The following CNTN5 variants were observed in gnomAD, a reference collection of about 807,000 sequenced individuals.
The protein encoded by CNTN5 is contactin-5.
In CNTN5, 77 loss-of-function variants were observed where a neutral mutation model predicts 129.1. The observed-to-expected ratio is 0.60, with a 90% CI of 0.50 to 0.72. The LOEUF is 0.72. Ranked by LOEUF, CNTN5 falls within the 30% of genes least tolerant of loss-of-function variation. CNTN5 has a pLI of 0.00. For missense variants in CNTN5, 1,478 were observed against 1,328.8 expected (o/e 1.11, Z -1.75); for synonymous variants, 509 against 465.6 (o/e 1.09, Z -1.20).
intron 2 of CNTN5, among the ~76,000 whole-genome samples, chr11:99,331,800 C>T (rs1173485900): frequency 1.3e-5 from 2 of 152,104 alleles, no homozygotes; most frequent in Non-Finnish European, 2.9e-5. Flanking sequence ...TGATTCTTGA[C>T]TTTGGGTTTA....
chr11:99,961,969 C>A (rs1464344190), intron 8 of CNTN5, among the ~76,000 whole-genome samples: 1 of 146,758 alleles, frequency 6.8e-6, no homozygotes, highest in Admixed American at 6.7e-5. Context: ...CGTAGAGAGA[C>A]ATATAGATAG....
chr11:100,085,273 A>G (rs1944505017), intron 13 of CNTN5, among the ~76,000 whole-genome samples: 1 of 151,988 alleles, frequency 6.6e-6, no homozygotes, highest in African/African-American at 2.4e-5. Context: ...TGGTATCAAA[A>G]CAATAAGAAA....
intron 1 of CNTN5, among the ~76,000 whole-genome samples, chr11:99,161,622 G>A (rs1036085099): frequency 6.6e-6 from 1 of 152,152 alleles, no homozygotes; most frequent in African/African-American, 2.4e-5. Flanking sequence ...CATCATAGCA[G>A]CCTTGGACTG....
chr11:100,282,920 C>T (rs1387124179), intron 18 of CNTN5, among the ~76,000 whole-genome samples: 2 of 152,162 alleles, frequency 1.3e-5, no homozygotes, highest in Non-Finnish European at 2.9e-5. Context: ...TCCCTTAAGG[C>T]CCAAGGTCTC....
chr11:100,128,730 C>T (rs551354876), intron 13 of CNTN5, among the ~76,000 whole-genome samples: 1 of 152,114 alleles, frequency 6.6e-6, no homozygotes, highest in African/African-American at 2.4e-5. Flanking sequence ...ATAATGACTC[C>T]ATGTTCCTTC....
intron 16 of CNTN5, among the ~76,000 whole-genome samples, chr11:100,229,789 T>G (rs1297760839): frequency 2.6e-5 from 4 of 152,196 alleles, no homozygotes; most frequent in Non-Finnish European, 5.9e-5. Flanking sequence ...TATGGCCACT[T>G]CTGAATGTTT....
intron 1 of CNTN5, among the ~76,000 whole-genome samples, chr11:99,110,685 A>G (rs955199699): frequency 4.6e-5 from 7 of 152,198 alleles, no homozygotes; most frequent in African/African-American, 1.2e-4. Flanking sequence ...TTTATAAAAG[A>G]TAAGTTGGTG....
At chr11:99,825,290 T>G (rs12284190) in intron 4 of CNTN5, among the ~76,000 whole-genome samples, 1,910 of 152,140 alleles carry the variant, frequency 0.013, 48 homozygotes, top group African/African-American at 0.044. Flanking sequence ...GTATTTTTTT[T>G]GCATCATATG....
At chr11:99,422,516 T>TATA (rs1942936168) in intron 2 of CNTN5, among the ~76,000 whole-genome samples, 1 of 100,414 alleles carries the variant, frequency 1.0e-5, no homozygotes, top group Non-Finnish European at 2.0e-5. Flanking sequence ...TACTTTATAT[T>TATA]TTTATATATA....
chr11:99,326,320 T>A (rs979423241), intron 2 of CNTN5, among the ~76,000 whole-genome samples: 1 of 152,228 alleles, frequency 6.6e-6, no homozygotes. Flanking sequence ...ATTTTCTGCT[T>A]ATTTATAAAA....
chr11:99,077,813 T>C (rs1865637178), intron 1 of CNTN5, among the ~76,000 whole-genome samples: 1 of 152,158 alleles, frequency 6.6e-6, no homozygotes, highest in Admixed American at 6.6e-5. Flanking sequence ...TCCTGCTGCC[T>C]TGTGAAGAAG....
chr11:99,411,274 T>G (rs1047642214), intron 2 of CNTN5, among the ~76,000 whole-genome samples: 1 of 152,088 alleles, frequency 6.6e-6, no homozygotes, highest in Non-Finnish European at 1.5e-5. Context: ...ACACCTGCAA[T>G]CCCAGCACTT....
chr11:99,240,673 G>A (rs1861501301), intron 1 of CNTN5, among the ~76,000 whole-genome samples: 1 of 152,022 alleles, frequency 6.6e-6, no homozygotes, highest in Non-Finnish European at 1.5e-5. Flanking sequence ...TTTTTCTTAT[G>A]AATTCCAATG....
chr11:99,022,608 A>T (rs1472298156), intron 1 of CNTN5, among the ~76,000 whole-genome samples: 1 of 152,166 alleles, frequency 6.6e-6, no homozygotes, highest in Non-Finnish European at 1.5e-5. Context: ...TATGAGTAAG[A>T]ATATGTCATA....
intron 1 of CNTN5, among the ~76,000 whole-genome samples, chr11:99,164,395 G>A (rs1860776588): frequency 6.8e-6 from 1 of 146,738 alleles, no homozygotes; most frequent in Non-Finnish European, 1.5e-5. Flanking sequence ...CTTACCTAAA[G>A]AGCAATACAA....
chr11:99,984,582 G>T (rs928981747), intron 8 of CNTN5, among the ~76,000 whole-genome samples: 9 of 151,916 alleles, frequency 5.9e-5, no homozygotes, highest in Non-Finnish European at 1.5e-5. Flanking sequence ...CCCTATTTTT[G>T]TGTTCCTTTT....
At chr11:100,001,386 C>T (rs557035325) in intron 8 of CNTN5, among the ~76,000 whole-genome samples, 30 of 152,124 alleles carry the variant, frequency 2.0e-4, no homozygotes, top group African/African-American at 2.2e-4. Flanking sequence ...TCTCGACATA[C>T]GCAGATTACA....
intron 3 of CNTN5, among the ~76,000 whole-genome samples, chr11:99,689,380 A>T (rs1953936083): frequency 6.6e-6 from 1 of 151,834 alleles, no homozygotes; most frequent in South Asian, 2.1e-4. Context: ...ACAAAAAATT[A>T]GCTGGGCGTG....
intron 1 of CNTN5, among the ~76,000 whole-genome samples, chr11:99,162,907 C>T (rs992420917): frequency 2.0e-5 from 3 of 152,142 alleles, no homozygotes; most frequent in South Asian, 2.1e-4. Flanking sequence ...TCAATTTAAA[C>T]GGGTAAGTTT....
Sources: gnomAD v4.1 joint callset for allele counts (sites outside exome capture counted in the v4.1 genomes callset) on GRCh38, gnomAD v4.1.1 for gene constraint, MANE v1.5 for transcripts, NCBI Gene and HGNC (gene_info 2026-07-23, HGNC 2026-07-21) for gene names.